Variants in PPP2R2C observed in about 807,000 individuals in gnomAD.
PPP2R2C encodes the protein protein phosphatase 2, regulatory subunit B, gamma.
PPP2R2C carries 10 observed loss-of-function variants against 45.3 expected under a neutral mutation model. That is an observed-to-expected ratio of 0.22 (90% CI 0.14 to 0.37). The LOEUF (loss-of-function observed/expected upper bound fraction) is 0.37. Ranked by LOEUF, PPP2R2C falls within the 10% of genes least tolerant of loss-of-function variation. The probability of loss-of-function intolerance (pLI) is 1.00; values close to 1 mark genes in which losing one functional copy is unlikely to be tolerated. For synonymous variants in PPP2R2C, 257 were observed against 245.4 expected (o/e 1.05, Z -0.44); for missense variants, 308 against 619.7 (o/e 0.50, Z 5.34).
chr4:6,417,803 T>C (rs1718694614), intron 1 of PPP2R2C, among the ~76,000 whole-genome samples: 1 of 152,184 alleles, frequency 6.6e-6, no homozygotes, highest in Non-Finnish European at 1.5e-5. Context: ...ACGGCCCTCG[T>C]CCACAGCTCA....
intron 1 of PPP2R2C, among the ~76,000 whole-genome samples, chr4:6,423,104 C>A (rs776714157): frequency 6.6e-6 from 1 of 152,216 alleles, no homozygotes; most frequent in African/African-American, 2.4e-5. Flanking sequence ...TACACTCATC[C>A]AGGCACTGTT....
intron 1 of PPP2R2C, among the ~76,000 whole-genome samples, chr4:6,423,096 C>T (rs1719081730): frequency 6.6e-6 from 1 of 152,222 alleles, no homozygotes; most frequent in Admixed American, 6.5e-5. Context: ...GGCTGCAATA[C>T]ACTCATCCAG....
Position 6,322,789 on chromosome 4 carries a change from C to G in PPP2R2C, c.*513G>C, listed in dbSNP as rs1461006765. 1.3e-5 allele frequency: 2 copies of G among 152,574 alleles called. No individual in the cohort carries two copies. The highest frequency in any genetic ancestry group is 4.8e-5 in the African/African-American group (2 of 41,550). The allele number at this position is 152,574 out of a possible 1,614,324, so 9.5% of individuals were successfully genotyped here. ...TCAGCTCTGAGACAGGGCGAATTGC[C>G]CCATTTATAACCAAAAGAACCCCTG... On this transcript the variant is annotated 3_prime_UTR_variant, in exon 9 of 9. Transcript: ENST00000382599. This position sits in a 1 kb window ranked among gnomAD's most constrained non-coding sequence, Gnocchi z 7.8.
At chr4:6,414,543 A>G (rs1158822700) in intron 1 of PPP2R2C, among the ~76,000 whole-genome samples, 1 of 152,038 alleles carries the variant, frequency 6.6e-6, no homozygotes, top group African/African-American at 2.4e-5. Context: ...TCAGGACAGC[A>G]CTTTACAGTT....
intron 2 of PPP2R2C, among the ~76,000 whole-genome samples, chr4:6,490,627 A>T (rs531927941): frequency 1.3e-5 from 2 of 152,278 alleles, no homozygotes; most frequent in Non-Finnish European, 2.9e-5. Flanking sequence ...ACTGCAAACC[A>T]CATCAGCCAC....
intron 2 of PPP2R2C, among the ~76,000 whole-genome samples, chr4:6,502,461 C>G (rs1338727341): frequency 6.6e-6 from 1 of 151,884 alleles, no homozygotes; most frequent in Non-Finnish European, 1.5e-5. Flanking sequence ...CCCCTGCCCT[C>G]CTTCCCTTCT....
At chr4:6,352,741 A>G (rs12500662) in intron 5 of PPP2R2C, among the ~76,000 whole-genome samples, 141,497 of 152,268 alleles carry the variant, frequency 0.93, 66,404 homozygotes, top group East Asian at 1. Context: ...TCTCCACTGC[A>G]GTGGGTTGAA....
chr4:6,358,258 G>A lies in PPP2R2C; in HGVS notation c.626-10248C>T, dbSNP rs188674220. 1.3e-3 allele frequency among the ~76,000 whole-genome samples: 193 copies of A among 152,274 alleles called. 1 individual carries two copies. The highest frequency in any genetic ancestry group is 4.3e-3 in the African/African-American group (180 of 41,554). On this transcript the variant is annotated intron_variant, in intron 5 of 8. Transcript: ENST00000382599. ...GGAAAGGATTCCCTATTTAATAAAT[G>A]GTGCTGGGAAAACCAGCTAGCCATA...
intron 2 of PPP2R2C, among the ~76,000 whole-genome samples, chr4:6,486,419 A>G (rs1722529092): frequency 6.6e-6 from 1 of 151,914 alleles, no homozygotes; most frequent in African/African-American, 2.4e-5. Flanking sequence ...CATATCTTCT[A>G]TTTTCTTACA....
intron 1 of PPP2R2C, among the ~76,000 whole-genome samples, chr4:6,458,508 C>T (rs1429779000): frequency 6.6e-6 from 1 of 152,206 alleles, no homozygotes; most frequent in Non-Finnish European, 1.5e-5. Context: ...CTCACAACCT[C>T]ATCACTCCCA....
Position 6,378,295 on chromosome 4 carries a change from G to T in PPP2R2C, c.334+112C>A. 6.4e-7 allele frequency: 1 copy of T among 1,551,400 alleles called. No homozygotes were observed. Among genetic ancestry groups the T allele is most frequent in the Non-Finnish European group, 8.7e-7 (1 of 1,153,104 alleles). ...TGCTCAAAAAGGATATTATTTTCTA[G>T]GCGTTCTGAAGACATAGAAAAATGC... On this transcript the variant is annotated intron_variant, in intron 3 of 8. Coordinates refer to ENST00000382599, the MANE Select transcript of PPP2R2C (RefSeq NM_020416.4). This position sits in a 1 kb window ranked among gnomAD's most constrained non-coding sequence, Gnocchi z 5.2.
intron 1 of PPP2R2C, among the ~76,000 whole-genome samples, chr4:6,392,741 C>T (rs1329280008): frequency 6.6e-6 from 1 of 152,172 alleles, no homozygotes; most frequent in Non-Finnish European, 1.5e-5. Context: ...AGCTGGGAAG[C>T]CACGGTCTGA....
chr4:6,494,712 G>A (rs1223359651), intron 2 of PPP2R2C, among the ~76,000 whole-genome samples: 1 of 152,208 alleles, frequency 6.6e-6, no homozygotes, highest in Non-Finnish European at 1.5e-5. Flanking sequence ...AGGGCAGACA[G>A]GCATCCTGGG....
intron 1 of PPP2R2C, among the ~76,000 whole-genome samples, chr4:6,467,191 T>C (rs925762296): frequency 6.6e-6 from 1 of 152,174 alleles, no homozygotes; most frequent in Non-Finnish European, 1.5e-5. Context: ...ACAGTCCACA[T>C]CTTGATTTTC....
chr4:6,355,851 G>T (rs1713126082), intron 5 of PPP2R2C, among the ~76,000 whole-genome samples: 1 of 151,820 alleles, frequency 6.6e-6, no homozygotes, highest in Non-Finnish European at 1.5e-5. Context: ...AAAATTAGCT[G>T]GGCGTGGTAG....
At chr4:6,555,759 C>G (rs1386029964) in intron 1 of PPP2R2C, 1 of 152,072 alleles carries the variant, frequency 6.6e-6, no homozygotes, top group African/African-American at 2.4e-5. Context: ...GAAGGCGATT[C>G]TGTATCTGGC....
At chr4:6,346,697 A>G (rs748389298) in intron 6 of PPP2R2C, among the ~76,000 whole-genome samples, 7 of 152,160 alleles carry the variant, frequency 4.6e-5, no homozygotes, top group Non-Finnish European at 7.3e-5. Flanking sequence ...AAGGAGGCAG[A>G]AGCTGGAGGT....
At chr4:6,521,424 A>G (rs1031835845) in intron 2 of PPP2R2C, among the ~76,000 whole-genome samples, 2 of 152,168 alleles carry the variant, frequency 1.3e-5, no homozygotes, top group African/African-American at 2.4e-5. Flanking sequence ...GGGGACTTCA[A>G]TGTATCATTC....
rs141687480 is a variant in PPP2R2C, at chr4:6,327,180, TGA to T, written c.1052+2080_1052+2081del. Among the ~76,000 whole-genome samples, 1,372 of 152,240 alleles carry T rather than the reference TGA, an allele frequency of 9.0e-3. 24 individuals are homozygous for T. The highest frequency in any genetic ancestry group is 0.031 in the African/African-American group (1,294 of 41,544). Reference sequence around the variant, plus strand: ...CCCCAGTGAAGGGCTCAGAACAGGTTGAGTCATAGTAGCCCCCCAGGGCACCC... The same window carrying T: ...CCCCAGTGAAGGGCTCAGAACAGGTTGTCATAGTAGCCCCCCAGGGCACCC... On this transcript the variant is annotated intron_variant, in intron 8 of 8. Coordinates refer to ENST00000382599, the MANE Select transcript of PPP2R2C (RefSeq NM_020416.4).
Sources: allele counts gnomAD v4.1 joint callset (sites outside exome capture counted in the v4.1 genomes callset), GRCh38; gene constraint gnomAD v4.1.1; non-coding constraint Gnocchi (gnomAD v3.1); transcripts MANE v1.5; gene names NCBI Gene and HGNC (gene_info 2026-07-23, HGNC 2026-07-21).